CYRIA: variants seen among roughly 807,000 people sequenced by gnomAD.
The protein encoded by CYRIA is CYFIP-related Rac1 interactor A.
CYRIA carries 15 observed loss-of-function variants against 43.9 expected under a neutral mutation model. That is an observed-to-expected ratio of 0.34 (90% CI 0.23 to 0.53). The LOEUF (loss-of-function observed/expected upper bound fraction) is 0.53, where lower values mean the gene tolerates loss of function less well. CYRIA is among the 20% of genes least tolerant of loss of function. The pLI, the probability that CYRIA is intolerant of heterozygous loss-of-function variation, is 0.94. For synonymous variants in CYRIA, 117 were observed against 136.0 expected, an observed-to-expected ratio of 0.86 and a Z score of 0.97; for missense variants, 236 against 394.2, an observed-to-expected ratio of 0.60 and a Z score of 3.40.
chr2:16,660,913 T>C (rs1454476638), intron 1 of CYRIA, among the ~76,000 whole-genome samples: 1 of 152,160 alleles, frequency 6.6e-6, no homozygotes, highest in Non-Finnish European at 1.5e-5. Context: ...GGAAATGGGA[T>C]TCTTAGGCCA....
At chr2:16,559,337 G>C (rs1190604240) in intron 10 of CYRIA, 123 bp downstream of exon 10, 29 of 1,164,380 alleles carry the variant, frequency 2.5e-5, no homozygotes, top group Admixed American at 9.4e-5. Context: ...TGCCAGGATG[G>C]GCTGTGCATC....
chr2:16,560,454 A>G (rs1225168283), intron 9 of CYRIA, among the ~76,000 whole-genome samples: 1 of 152,312 alleles, frequency 6.6e-6, no homozygotes, highest in East Asian at 1.9e-4. Context: ...AGTAGGGGCT[A>G]CAGCCATAAA....
chr2:16,573,911 T>C (rs1474314668), intron 3 of CYRIA, among the ~76,000 whole-genome samples: 3 of 152,186 alleles, frequency 2.0e-5, no homozygotes, highest in African/African-American at 7.2e-5. Context: ...TTGGTACCAG[T>C]ACAGTGCAGT....
In CYRIA at chr2:16,637,423, T is replaced by C. The variant is rs1325547945; in HGVS notation, c.-166-13404A>G. Reference sequence around the variant, plus strand: ...AGAGACACAACAGAGATGATGTTTTTCTCTCTTCACCATATGAGGATGCAA... The same window carrying C: ...AGAGACACAACAGAGATGATGTTTTCCTCTCTTCACCATATGAGGATGCAA... On this transcript the variant is annotated intron_variant, in intron 1 of 11. Transcript: ENST00000381323. 7.2e-5 allele frequency among the ~76,000 whole-genome samples: 11 copies of C among 152,280 alleles called. No homozygotes were observed. In the South Asian group the frequency reaches 8.3e-4, roughly 11 times the overall value.
At chr2:16,572,292 A>T (rs1245442257) in intron 3 of CYRIA, among the ~76,000 whole-genome samples, 1 of 152,044 alleles carries the variant, frequency 6.6e-6, no homozygotes, top group Non-Finnish European at 1.5e-5. Flanking sequence ...GATGGAATAG[A>T]TTTAAAGCAC....
At chr2:16,651,645 G>A (rs1047588876) in intron 1 of CYRIA, among the ~76,000 whole-genome samples, 5 of 152,194 alleles carry the variant, frequency 3.3e-5, no homozygotes, top group Admixed American at 2.0e-4. Context: ...AAATATTCCT[G>A]AAAAGGAGGC....
Position 16,550,101 on chromosome 2 carries a change from A to C in CYRIA, c.*2835T>G, listed in dbSNP as rs1420789735. 6.6e-6 allele frequency: 1 copy of C among 151,820 alleles called. No individual in the cohort carries two copies. Among genetic ancestry groups the C allele is most frequent in the Non-Finnish European group, 1.5e-5 (1 of 67,960 alleles). The allele number at this position is 151,820 out of a possible 1,614,324, so 9.4% of individuals were successfully genotyped here. ...AGTAGCAGTGCATCTGAGAAACATA[A>C]TTTTTACCTCGTTGCTTTCCCAAAA... On this transcript the variant is annotated 3_prime_UTR_variant, in exon 12 of 12. Transcript: ENST00000381323.
At chr2:16,553,059 C>T (rs1666371029) in intron 11 of CYRIA, 60 bp from the exon 12 acceptor site, 1 of 1,040,184 alleles carries the variant, frequency 9.6e-7, no homozygotes, top group African/African-American at 1.6e-5. Flanking sequence ...AAGCTTCAGC[C>T]CATCTTTACC....
At chr2:16,604,950 A>G (rs938764633) in intron 2 of CYRIA, among the ~76,000 whole-genome samples, 2 of 152,254 alleles carry the variant, frequency 1.3e-5, no homozygotes, top group Non-Finnish European at 2.9e-5. Context: ...AAATGAGTTA[A>G]TGGCTAAAGT....
At chr2:16,592,853 T>A (rs947806186) in intron 2 of CYRIA, among the ~76,000 whole-genome samples, 1 of 152,178 alleles carries the variant, frequency 6.6e-6, no homozygotes, top group African/African-American at 2.4e-5. Flanking sequence ...CTGTTTGTAT[T>A]TTCTGAACAC....
intron 1 of CYRIA, among the ~76,000 whole-genome samples, chr2:16,630,701 A>G (rs1168460230): frequency 2.0e-5 from 3 of 152,128 alleles, no homozygotes; most frequent in Non-Finnish European, 4.4e-5. Flanking sequence ...CCTTTGAGTG[A>G]GGAAGTGGGA....
chr2:16,628,859 C>T (rs939168757), intron 1 of CYRIA, among the ~76,000 whole-genome samples: 3 of 152,284 alleles, frequency 2.0e-5, no homozygotes, highest in Middle Eastern at 3.4e-3. Context: ...TCTGAATTCA[C>T]GGAGCTTGTT....
At chr2:16,586,260 A>G (rs1667725847) in intron 3 of CYRIA, among the ~76,000 whole-genome samples, 1 of 152,176 alleles carries the variant, frequency 6.6e-6, no homozygotes, top group Admixed American at 6.6e-5. Context: ...TGTAAAATGC[A>G]TCTGATAAGA....
intron 3 of CYRIA, among the ~76,000 whole-genome samples, chr2:16,587,241 A>T (rs1167277223): frequency 6.6e-6 from 1 of 152,128 alleles, no homozygotes; most frequent in Non-Finnish European, 1.5e-5. Flanking sequence ...ACATTTAGCA[A>T]TATTTGTTTT....
At chr2:16,566,529 T>A (rs181594672) in intron 3 of CYRIA, among the ~76,000 whole-genome samples, 1 of 152,190 alleles carries the variant, frequency 6.6e-6, no homozygotes, top group South Asian at 2.1e-4. Flanking sequence ...CCTGATCTCA[T>A]GTTCAGGAGG....
intron 3 of CYRIA, among the ~76,000 whole-genome samples, chr2:16,587,395 C>T (rs1326129949): frequency 1.3e-5 from 2 of 152,018 alleles, no homozygotes; most frequent in African/African-American, 2.4e-5. Context: ...GGGCTTACGA[C>T]CTTCAAAAGG....
At chr2:16,659,665 G>A (rs1670197219) in intron 1 of CYRIA, among the ~76,000 whole-genome samples, 1 of 152,192 alleles carries the variant, frequency 6.6e-6, no homozygotes, top group Non-Finnish European at 1.5e-5. Context: ...GGCTGGAAAG[G>A]CCTGCATCTG....
In CYRIA at chr2:16,555,121, C is replaced by T. The variant is rs753135702; in HGVS notation, c.856G>A (p.Val286Ile). The part of the protein sequence containing the change: ...SKIDMKGCIK[V>I]LKEQAPDSVE... ...CTGTCTGGGGCCTGCTCCTTCAAAA[C>T]TTTTATGCAGCCTTTCATCTAGGAG... Residue 286 changes from valine to isoleucine, a missense_variant, in exon 11 of 12, where the codon GTT becomes ATT. Transcript: ENST00000381323. 1.2e-6 allele frequency: 2 copies of T among 1,613,054 alleles called. No individual in the cohort carries two copies. The highest frequency in any genetic ancestry group is 1.7e-4 in the Middle Eastern group (1 of 6,046).
Position 16,555,065 on chromosome 2 carries a change from T to C in CYRIA, c.908+4A>G. The C allele has an allele frequency of 6.2e-7, 1 of 1,612,808 alleles. No individual in the cohort carries two copies. The highest frequency in any genetic ancestry group is 8.5e-7 in the Non-Finnish European group (1 of 1,179,278). The stretch of plus-strand genomic sequence containing the variant: ...CTGTGAGCTGACACAGGGTTGAAGC[T>C]CACCTGAGGGCATTTAGCAGCCCCT... On this transcript the variant is annotated splice_donor_region_variant and intron_variant, in intron 11 of 11. Coordinates refer to ENST00000381323, the MANE Select transcript of CYRIA (RefSeq NM_030797.4).
Sources: gnomAD v4.1 joint callset for allele counts (sites outside exome capture counted in the v4.1 genomes callset) on GRCh38, gnomAD v4.1.1 for gene constraint, MANE v1.5 for transcripts, NCBI Gene and HGNC (gene_info 2026-07-23, HGNC 2026-07-21) for gene names.